The following PHLPP1 variants were observed in gnomAD, a reference collection of about 807,000 sequenced individuals.
The protein encoded by PHLPP1 is PH domain leucine-rich repeat-containing protein phosphatase 1.
A neutral mutation model predicts 117.2 loss-of-function variants in PHLPP1; 42 were observed. The ratio of observed to expected loss-of-function variants is 0.36; its 90% confidence interval spans 0.28 to 0.46. The LOEUF (loss-of-function observed/expected upper bound fraction) is 0.46. Among genes scored for constraint, PHLPP1 ranks in the 20% least tolerant of loss-of-function variants. PHLPP1 has a pLI of 1.00. For synonymous variants in PHLPP1, 1,042 were observed against 970.7 expected (o/e 1.07, Z -1.37); for missense variants, 2,084 against 2,241.9 (o/e 0.93, Z 1.42).
rs193120394 is a variant in PHLPP1 at position 62,841,765 on chromosome 18, A to G, written c.1899+2856A>G. Among the ~76,000 whole-genome samples, 37 of 152,354 alleles carry G rather than the reference A, an allele frequency of 2.4e-4. 1 individual carries two copies. In the East Asian group the frequency reaches 3.5e-3, roughly 14 times the overall value. ...CATTTACATATACAGCATACATTTT[A>G]TACTTACAATAAGTGGAGCTTAGTA... On this transcript the variant is annotated intron_variant, in intron 3 of 16. Coordinates refer to ENST00000262719, the MANE Select transcript of PHLPP1 (RefSeq NM_194449.4).
At chr18:62,815,355 C>A (rs1373313633) in intron 1 of PHLPP1, among the ~76,000 whole-genome samples, 1 of 151,966 alleles carries the variant, frequency 6.6e-6, no homozygotes, top group African/African-American at 2.4e-5. Context: ...GCCGGGGTTT[C>A]ACCGTGTTAG....
chr18:62,786,748 AG>A (rs2144284867), intron 1 of PHLPP1, among the ~76,000 whole-genome samples: 1 of 152,348 alleles, frequency 6.6e-6, no homozygotes, highest in South Asian at 2.1e-4. Context: ...TTTTGGTAAA[AG>A]GTTCACAGTC....
chr18:62,804,523 A>C lies in PHLPP1; in HGVS notation c.1577-25512A>C, dbSNP rs186746488. Among the ~76,000 whole-genome samples the C allele has an allele frequency of 1.4e-3, 210 of 152,276 alleles. 1 individual carries two copies. Among genetic ancestry groups the C allele is most frequent in the Non-Finnish European group, 2.2e-3 (147 of 68,010 alleles). ...CTTGAACCTAGGAGTTAAAGGTTGC[A>C]GTGAGCTATGATCATGCCACTGCAC... On this transcript the variant is annotated intron_variant, in intron 1 of 16. Transcript: ENST00000262719.
intron 10 of PHLPP1, among the ~76,000 whole-genome samples, chr18:62,938,021 AAAG>A (rs1354140863): frequency 5.3e-5 from 8 of 152,176 alleles, no homozygotes; most frequent in Admixed American, 2.6e-4. Context: ...AGAAAATAAA[AAAG>A]AAGAAGGAAG....
intron 2 of PHLPP1, among the ~76,000 whole-genome samples, chr18:62,836,467 AT>A (rs1435109367): frequency 1.3e-5 from 2 of 148,304 alleles, no homozygotes; most frequent in African/African-American, 2.5e-5. Flanking sequence ...AAATAAATAA[AT>A]AAATAAATAA....
At chr18:62,791,890 A>AC (rs777788107) in intron 1 of PHLPP1, among the ~76,000 whole-genome samples, 2 of 152,078 alleles carry the variant, frequency 1.3e-5, no homozygotes, top group Non-Finnish European at 2.9e-5. Flanking sequence ...GGTAAATTGG[A>AC]TTCGTACCCA....
intron 12 of PHLPP1, among the ~76,000 whole-genome samples, chr18:62,957,944 G>A (rs1910664897): frequency 6.6e-6 from 1 of 152,162 alleles, no homozygotes; most frequent in Non-Finnish European, 1.5e-5. Flanking sequence ...CTGACCTCAG[G>A]TGATACGCCT....
chr18:62,813,511 C>G (rs1294227357), intron 1 of PHLPP1, among the ~76,000 whole-genome samples: 10 of 152,200 alleles, frequency 6.6e-5, no homozygotes, highest in Admixed American at 6.5e-4. Flanking sequence ...TTGCCTCACT[C>G]TTCTCTCTGA....
At chr18:62,792,804 T>C (rs1913500037) in intron 1 of PHLPP1, among the ~76,000 whole-genome samples, 1 of 143,902 alleles carries the variant, frequency 6.9e-6, no homozygotes, top group Non-Finnish European at 1.5e-5. Flanking sequence ...AGGTCAAGGC[T>C]GCAGTGAACC....
intron 1 of PHLPP1, among the ~76,000 whole-genome samples, chr18:62,789,151 A>G (rs1447631444): frequency 6.6e-6 from 1 of 152,138 alleles, no homozygotes; most frequent in Non-Finnish European, 1.5e-5. Context: ...GGGAAGCAAG[A>G]TGAGCTGAAA....
At chr18:62,943,194 C>G (rs1207932891) in intron 11 of PHLPP1, among the ~76,000 whole-genome samples, 6 of 152,108 alleles carry the variant, frequency 3.9e-5, no homozygotes, top group South Asian at 4.1e-4. Flanking sequence ...TTTAACACAC[C>G]TTGTAAAAAA....
At chr18:62,734,321 T>A (rs1301616680) in intron 1 of PHLPP1, among the ~76,000 whole-genome samples, 1 of 152,178 alleles carries the variant, frequency 6.6e-6, no homozygotes, top group East Asian at 1.9e-4. Context: ...TCTCTGGATC[T>A]TCATGGAAGA....
chr18:62,867,836 G>A (rs549520601), intron 4 of PHLPP1, among the ~76,000 whole-genome samples: 1 of 151,938 alleles, frequency 6.6e-6, no homozygotes, highest in African/African-American at 2.4e-5. Flanking sequence ...TTTTTAGATG[G>A]AGTCTGGCTC....
At chr18:62,947,258 T>C (rs1658932749) in intron 12 of PHLPP1, among the ~76,000 whole-genome samples, 1 of 152,104 alleles carries the variant, frequency 6.6e-6, no homozygotes, top group South Asian at 2.1e-4. Context: ...GGAGATGAAA[T>C]GAAATAATAC....
intron 1 of PHLPP1, among the ~76,000 whole-genome samples, chr18:62,756,993 A>G (rs1004071284): frequency 5.3e-5 from 8 of 152,200 alleles, no homozygotes; most frequent in African/African-American, 1.9e-4. Context: ...TCTAGAGGTG[A>G]TGGGAGATGC....
chr18:62,843,205 G>C (rs1915096632), intron 3 of PHLPP1: 1 of 152,078 alleles, frequency 6.6e-6, no homozygotes, highest in Non-Finnish European at 1.5e-5. Context: ...GTTTAGATAA[G>C]GATTCATTTT....
chr18:62,793,234 G>A (rs1913515315), intron 1 of PHLPP1, among the ~76,000 whole-genome samples: 1 of 152,126 alleles, frequency 6.6e-6, no homozygotes, highest in Admixed American at 6.6e-5. Context: ...TAGATTGCAG[G>A]GGGGTGCTTG....
chr18:62,973,012 A>T (rs1207639674), intron 15 of PHLPP1, among the ~76,000 whole-genome samples: 1 of 152,122 alleles, frequency 6.6e-6, no homozygotes, highest in African/African-American at 2.4e-5. Flanking sequence ...TTGCAATGCC[A>T]TTTCTCCTCC....
At chr18:62,807,738 TAA>T (rs1265483719) in intron 1 of PHLPP1, among the ~76,000 whole-genome samples, 1 of 152,196 alleles carries the variant, frequency 6.6e-6, no homozygotes, top group Non-Finnish European at 1.5e-5. Context: ...TTAGTGTATC[TAA>T]ACTTCTAAAT....
Sources: allele counts gnomAD v4.1 joint callset (sites outside exome capture counted in the v4.1 genomes callset), GRCh38; gene constraint gnomAD v4.1.1; transcripts MANE v1.5; gene names NCBI Gene and HGNC (gene_info 2026-07-23, HGNC 2026-07-21).